REPS1: variants seen among roughly 807,000 people sequenced by gnomAD.
REPS1 encodes the protein RALBP1 associated Eps domain containing 1, also known as ralBP1-associated Eps domain-containing protein 1.
Under a neutral mutation model 100.9 loss-of-function variants are expected in REPS1, and 39 were observed. The ratio of observed to expected loss-of-function variants is 0.39; its 90% CI spans 0.30 to 0.50. REPS1 has a LOEUF of 0.50. Ranked by LOEUF, REPS1 falls within the 20% of genes least tolerant of loss-of-function variation. REPS1 has a pLI of 0.86. For synonymous variants in REPS1, 324 were observed against 340.3 expected (o/e 0.95, Z 0.53); for missense variants, 821 against 968.5 (o/e 0.85, Z 2.02).
In REPS1 at chr6:138,972,991, T is replaced by A. The variant is rs939067515; in HGVS notation, c.153+14539A>T. On this transcript the variant is annotated intron_variant, in intron 1 of 19. Coordinates refer to ENST00000450536, the MANE Select transcript of REPS1 (RefSeq NM_001286611.2). ...AGCACCAACTAAGCAGTCTAATAGG[T>A]TTTGAGTGAGTGCCTAACAGGAACA... Among the ~76,000 whole-genome samples the A allele has an allele frequency of 4.6e-5, 7 of 152,120 alleles. No individual in the cohort carries two copies. The East Asian group carries it at 9.6e-4, about 21-fold the overall frequency.
At chr6:138,943,759 T>A (rs1782422851) in intron 6 of REPS1, 94 bp downstream of exon 6, 1 of 1,182,082 alleles carries the variant, frequency 8.5e-7, no homozygotes. Flanking sequence ...TATTTTATAA[T>A]TAAAATCTAT....
chr6:138,944,698 T>C (rs936436110), intron 4 of REPS1, 76 bp from the exon 5 acceptor site: 2 of 1,403,246 alleles, frequency 1.4e-6, no homozygotes, highest in African/African-American at 2.9e-5. Flanking sequence ...TTCCAACTCT[T>C]ACTCTGAAGA....
At chr6:138,916,805 G>GA (rs1039428021) in intron 13 of REPS1, among the ~76,000 whole-genome samples, 5 of 152,088 alleles carry the variant, frequency 3.3e-5, no homozygotes, top group Non-Finnish European at 5.9e-5. Flanking sequence ...TTCATATTCT[G>GA]AAAAGAGTCT....
At chr6:138,983,382 G>A (rs1311327860) in intron 1 of REPS1, among the ~76,000 whole-genome samples, 2 of 152,186 alleles carry the variant, frequency 1.3e-5, no homozygotes, top group Non-Finnish European at 2.9e-5. Flanking sequence ...TTGAGCCTGG[G>A]AGGTGGAGGT....
chr6:138,923,599 A>G (rs898264715), intron 10 of REPS1, among the ~76,000 whole-genome samples: 1 of 152,206 alleles, frequency 6.6e-6, no homozygotes, highest in African/African-American at 2.4e-5. Context: ...TCATTCATGT[A>G]TATCCTAGCA....
intron 1 of REPS1, among the ~76,000 whole-genome samples, chr6:138,963,286 G>A (rs1783840938): frequency 6.6e-6 from 1 of 152,030 alleles, no homozygotes; most frequent in South Asian, 2.1e-4. Context: ...TACCATTTGA[G>A]TTACTAGTAT....
rs771200404 is a variant in REPS1 at position 138,905,005 on chromosome 6, T to C, written c.*59A>G. On this transcript the variant is annotated 3_prime_UTR_variant, in exon 20 of 20. Transcript: ENST00000450536. ...TGAGCTGAATGTCTAGGTCTCCAAA[T>C]TGGCTTTGAACCCAAAACCACTTAA... 4.7e-5 allele frequency: 68 copies of C among 1,434,456 alleles called. 1 individual carries two copies. Among genetic ancestry groups the C allele is most frequent in the Non-Finnish European group, 6.3e-5 (64 of 1,019,248 alleles). 88.9% of individuals were successfully genotyped at this position (1,434,456 alleles called of 1,614,324 possible). A position where few individuals can be genotyped will look rare whatever the true frequency, so the allele number is the denominator to read the frequency against.
chr6:138,910,359 T>G (rs1179091991), intron 17 of REPS1, among the ~76,000 whole-genome samples: 1 of 152,072 alleles, frequency 6.6e-6, no homozygotes, highest in Middle Eastern at 3.2e-3. Flanking sequence ...AAAATAAACC[T>G]CTTTTCTTTT....
intron 1 of REPS1, among the ~76,000 whole-genome samples, chr6:138,949,280 G>A (rs1782841952): frequency 6.6e-6 from 1 of 152,178 alleles, no homozygotes; most frequent in African/African-American, 2.4e-5. Context: ...AGGAGGTAGT[G>A]TTCAAGAAGG....
chr6:138,971,093 A>G (rs1301970792), intron 1 of REPS1, among the ~76,000 whole-genome samples: 1 of 152,242 alleles, frequency 6.6e-6, no homozygotes, highest in Non-Finnish European at 1.5e-5. Flanking sequence ...TTAGAGGGAA[A>G]TGTACTTAGG....
chr6:138,983,007 T>C (rs1267258696), intron 1 of REPS1, among the ~76,000 whole-genome samples: 2 of 152,206 alleles, frequency 1.3e-5, no homozygotes, highest in African/African-American at 4.8e-5. Flanking sequence ...AAATCCCTAC[T>C]GTTCATAAGA....
chr6:138,977,729 T>C (rs1784677953), intron 1 of REPS1, among the ~76,000 whole-genome samples: 1 of 152,232 alleles, frequency 6.6e-6, no homozygotes, highest in South Asian at 2.1e-4. Context: ...TTTCTTTATT[T>C]GTACAGGTAT....
In REPS1 at chr6:138,978,298, T is replaced by C. The variant is rs940680682; in HGVS notation, c.153+9232A>G. Among the ~76,000 whole-genome samples, 35 of 151,830 alleles carry C rather than the reference T, an allele frequency of 2.3e-4. No homozygotes were observed. In the East Asian group the frequency reaches 3.3e-3, roughly 14 times the overall value. ...TATTTGTTTCTTTTCCTTTTCTTTT[T>C]TTTTTTTTGAGACAGGGTCTGGCTC... On this transcript the variant is annotated intron_variant, in intron 1 of 19. Coordinates refer to ENST00000450536, the MANE Select transcript of REPS1 (RefSeq NM_001286611.2).
At chr6:138,943,683 T>A (rs1782415213) in intron 6 of REPS1, 107 bp from the exon 7 acceptor site, 2 of 1,002,992 alleles carry the variant, frequency 2.0e-6, no homozygotes, top group African/African-American at 1.6e-5. Flanking sequence ...ATTTTTAATA[T>A]GTGAATATGT....
At position 138,904,930 on chromosome 6, in the gene REPS1, G is replaced by A; in HGVS notation, c.*134C>T. On this transcript the variant is annotated 3_prime_UTR_variant, in exon 20 of 20. Coordinates refer to ENST00000450536, the MANE Select transcript of REPS1 (RefSeq NM_001286611.2). ...ATAAAAGATACTTAAATACAACGGT[G>A]AACATATAGGGCAAAACAGAATCAT... 1 of 650,682 alleles carries A rather than the reference G, an allele frequency of 1.5e-6. No homozygotes were observed. The highest frequency in any genetic ancestry group is 2.9e-5 in the East Asian group (1 of 35,042). 40.3% of individuals were successfully genotyped at this position (650,682 alleles called of 1,614,324 possible).
intron 1 of REPS1, among the ~76,000 whole-genome samples, chr6:138,968,126 G>A (rs192475568): frequency 4.3e-4 from 65 of 152,304 alleles, no homozygotes; most frequent in Admixed American, 1.5e-3. Context: ...TGTACTGAAT[G>A]TGTATCGCTT....
chr6:138,944,637 G>A lies in REPS1; in HGVS notation c.629-15C>T. ...AGCAGAAGAACCTATAAGGAGAATG[G>A]GTAAACATGCTGACTCATGTTTGAG... On this transcript the variant is annotated splice_polypyrimidine_tract_variant and intron_variant, in intron 4 of 19. Coordinates refer to ENST00000450536, the MANE Select transcript of REPS1 (RefSeq NM_001286611.2). The A allele has an allele frequency of 6.2e-7, 1 of 1,607,304 alleles. No individual in the cohort carries two copies. Among genetic ancestry groups the A allele is most frequent in the Non-Finnish European group, 8.5e-7 (1 of 1,177,626 alleles).
intron 1 of REPS1, among the ~76,000 whole-genome samples, chr6:138,952,160 G>A (rs1403401224): frequency 1.3e-5 from 2 of 152,058 alleles, no homozygotes; most frequent in Non-Finnish European, 2.9e-5. Context: ...AGAATTTAAA[G>A]TTCCTACATC....
rs1781389033 is a variant in REPS1 at position 138,930,025 on chromosome 6, C to T, written c.1209G>A (p.Ser403=). ...GCCATGTCTGGTTTAGTGATGGCAT[C>T]GATGGTGACTTGCTTGGAGGAGCTT... ...PAEAPPSKSP[S]MPSLNQTWPE... is the part of the protein sequence containing the mutation. The change falls in exon 9 of 20, where the codon TCG becomes TCA. Residue 403 remains serine, a synonymous_variant. Transcript: ENST00000450536. The T allele has an allele frequency of 6.2e-6, 10 of 1,613,674 alleles. No individual in the cohort carries two copies. Among genetic ancestry groups the T allele is most frequent in the South Asian group, 2.2e-5 (2 of 91,052 alleles).
Sources: allele counts gnomAD v4.1 joint callset (sites outside exome capture counted in the v4.1 genomes callset), GRCh38; gene constraint gnomAD v4.1.1; transcripts MANE v1.5; gene names NCBI Gene and HGNC (gene_info 2026-07-23, HGNC 2026-07-21).